Variants in HTRA2 observed in about 807,000 individuals in gnomAD.
HTRA2 encodes the protein HtrA serine peptidase 2.
In HTRA2, 24 loss-of-function variants were observed where a neutral mutation model predicts 42.2. The observed-to-expected ratio is 0.57, with a 90% CI of 0.41 to 0.80. HTRA2 has a LOEUF of 0.80. HTRA2 is among the 30% of genes least tolerant of loss of function. The pLI is 0.00. For synonymous variants in HTRA2, 245 were observed against 255.8 expected (o/e 0.96, Z 0.40); for missense variants, 466 against 613.5 (o/e 0.76, Z 2.54).
In HTRA2 at chr2:74,530,445, T is replaced by G; in HGVS notation, c.439T>G (p.Tyr147Asp). Residue 147 changes from tyrosine (Y) to aspartate (D), a missense_variant, in exon 1 of 8, where the codon TAC becomes GAC. Tyr to Asp is a radical substitution (Grantham distance 160). Coordinates refer to ENST00000258080, the MANE Select transcript of HTRA2 (RefSeq NM_013247.5). The surrounding 1 kb of genome is among the most constrained non-coding windows in gnomAD (Gnocchi z 7.4). Reference sequence around the variant, plus strand: ...GCCGCCCGCTTCTCCCCGGAGTCAGTACAACTTCATCGCAGATGTGGTGGA... The same window carrying G: ...GCCGCCCGCTTCTCCCCGGAGTCAGGACAACTTCATCGCAGATGTGGTGGA... Reference protein sequence around the residue: ...SPPPASPRSQYNFIADVVEKT... With the variant: ...SPPPASPRSQDNFIADVVEKT... 1.2e-6 allele frequency: 2 copies of G among 1,605,984 alleles called. No homozygotes were observed. The highest frequency in any genetic ancestry group is 1.7e-6 in the Non-Finnish European group (2 of 1,179,826).
chr2:74,529,819 T>A (rs756545994), upstream of HTRA2: 11 of 1,428,134 alleles, frequency 7.7e-6, no homozygotes, highest in Non-Finnish European at 1.0e-5. Context: ...ACAACTCGCG[T>A]CCGGCGGAGA....
chr2:74,531,145 G>C (rs1247127269), intron 3 of HTRA2, 40 bp downstream of exon 3: 1 of 1,599,680 alleles, frequency 6.3e-7, no homozygotes, highest in Admixed American at 1.7e-5. Flanking sequence ...TGATGGGGGA[G>C]GGGGGAGAGG....
At chr2:74,533,410 C>T (rs1011907378), downstream of HTRA2, 7 of 587,348 alleles carry the variant, frequency 1.2e-5, no homozygotes, top group Non-Finnish European at 2.1e-5. Flanking sequence ...AGCAAAGATT[C>T]CCATGCTTGG....
rs1470210087 is a variant in HTRA2, at chr2:74,531,673, G to A, written c.1016G>A (p.Arg339Gln). ...TTTGCCATCCCTTCTGATCGTCTTCGAGAGTTTCTGCATCGTGGGGAAAAG... is the reference window on the plus strand; with the variant it reads ...TTTGCCATCCCTTCTGATCGTCTTCAAGAGTTTCTGCATCGTGGGGAAAAG... Reference protein sequence around the residue: ...ISFAIPSDRLREFLHRGEKKN... With the variant: ...ISFAIPSDRLQEFLHRGEKKN... Residue 339 changes from arginine (R) to glutamine (Q), a missense_variant, in exon 5 of 8, where the codon CGA (arginine) becomes CAA (glutamine). Transcript: ENST00000258080. 5 of 1,614,000 alleles carry A rather than the reference G, an allele frequency of 3.1e-6. No individual in the cohort carries two copies. Among genetic ancestry groups the A allele is most frequent in the East Asian group, 4.5e-5 (2 of 44,898 alleles).
chr2:74,529,621 A>C, upstream of HTRA2: 1 of 1,568,078 alleles, frequency 6.4e-7, no homozygotes, highest in South Asian at 1.2e-5. Flanking sequence ...GCCCTGAGGG[A>C]AGCTCCATAA....
In HTRA2 at chr2:74,532,991, T is replaced by G. The variant is rs1675734432; in HGVS notation, c.*6T>G. On this transcript the variant is annotated 3_prime_UTR_variant, in exon 8 of 8. Coordinates refer to ENST00000258080, the MANE Select transcript of HTRA2 (RefSeq NM_013247.5). Reference sequence around the variant, plus strand: ...CCCCTGAGGTCACAGAATGAATAGATCACCAAGAGTATGAGGCTCCTGCTC... The same window carrying G: ...CCCCTGAGGTCACAGAATGAATAGAGCACCAAGAGTATGAGGCTCCTGCTC... 3 of 1,613,244 alleles carry G rather than the reference T, an allele frequency of 1.9e-6. No homozygotes were observed. The highest frequency in any genetic ancestry group is 2.5e-6 in the Non-Finnish European group (3 of 1,179,582).
chr2:74,529,495 G>A (rs551674975), upstream of HTRA2: 18 of 1,552,626 alleles, frequency 1.2e-5, no homozygotes, highest in South Asian at 3.5e-5. Context: ...CAGTCACCCG[G>A]AAGCCTGGGG....
rs764609801 is a variant in HTRA2, at chr2:74,529,967, T to G, written c.-40T>G. 5.3e-6 allele frequency: 8 copies of G among 1,505,006 alleles called. No homozygotes were observed. The highest frequency in any genetic ancestry group is 7.1e-6 in the Non-Finnish European group (8 of 1,130,204). 93.2% of individuals were successfully genotyped at this position (1,505,006 alleles called of 1,614,324 possible). A position where few individuals can be genotyped will look rare whatever the true frequency, so the allele number is the denominator to read the frequency against. On this transcript the variant is annotated 5_prime_UTR_variant, in exon 1 of 8. Coordinates refer to ENST00000258080, the MANE Select transcript of HTRA2 (RefSeq NM_013247.5). ...GCCTGCTCGCGTCCTGGGTGCCGCCTCTGAGTAGGGCGGGCGAGGAGGCAG... is the reference window on the plus strand; with the variant it reads ...GCCTGCTCGCGTCCTGGGTGCCGCCGCTGAGTAGGGCGGGCGAGGAGGCAG...
At chr2:74,532,539 G>A (rs2104379559) in intron 6 of HTRA2, 80 bp from the exon 7 acceptor site, 1 of 1,053,142 alleles carries the variant, frequency 9.5e-7, no homozygotes, top group Non-Finnish European at 1.5e-6. Context: ...TTATCAATGT[G>A]TTGATGAGAG....
chr2:74,532,472 CAG>C (rs1263698060), intron 6 of HTRA2, 145 bp from the exon 7 acceptor site: 2 of 704,364 alleles, frequency 2.8e-6, no homozygotes, highest in Non-Finnish European at 5.1e-6. Context: ...TGCTAGAAGA[CAG>C]AAAGTGAGTT....
At chr2:74,533,486 T>C (rs1230044086), downstream of HTRA2, 3 of 797,416 alleles carry the variant, frequency 3.8e-6, no homozygotes, top group African/African-American at 1.7e-5. Flanking sequence ...TCCACATCCA[T>C]AGTGCATGGT....
chr2:74,530,234 C>T lies in HTRA2; in HGVS notation c.228C>T (p.Thr76=), dbSNP rs927941187. Residue 76 remains threonine (T), a synonymous_variant, in exon 1 of 8, where the codon ACC becomes ACT. Transcript: ENST00000258080. This position sits in a 1 kb window ranked among gnomAD's most constrained non-coding sequence, Gnocchi z 7.4. ...CCCGAGCATGCCTGACGTCTGGGAC[C>T]CCGGGTCCCCGGGCACAACTGACTG... ...TEPRACLTSG[T]PGPRAQLTAV... The T allele has an allele frequency of 2.5e-6, 4 of 1,609,334 alleles. No individual in the cohort carries two copies. Among genetic ancestry groups the T allele is most frequent in the South Asian group, 1.1e-5 (1 of 90,554 alleles).
chr2:74,532,853 C>T lies in HTRA2; in HGVS notation c.1245C>T (p.Ala415=). ...AGLRPGDVIL[A]IGEQMVQNAE... ...TGCGGCCTGGTGATGTGATTTTGGC[C>T]ATTGGGGAGCAGATGGTACAAAATG... is the stretch of plus-strand genomic sequence containing the variant. The change falls in exon 8 of 8, where the codon GCC becomes GCT. Residue 415 remains alanine, a synonymous_variant. Coordinates refer to ENST00000258080, the MANE Select transcript of HTRA2 (RefSeq NM_013247.5). The T allele has an allele frequency of 3.1e-6, 5 of 1,614,032 alleles. No individual in the cohort carries two copies. Among genetic ancestry groups the T allele is most frequent in the Non-Finnish European group, 4.2e-6 (5 of 1,180,018 alleles).
In HTRA2 at chr2:74,532,803, T is replaced by C. The variant is rs199796288; in HGVS notation, c.1212-17T>C. 38 of 1,614,154 alleles carry C rather than the reference T, an allele frequency of 2.4e-5. No individual in the cohort carries two copies. The African/African-American group carries it at 4.3e-4, about 18-fold the overall frequency. ...CTTTGTACTCCTTCCTTTCTCTCTG[T>C]CCATTTTTCTCTATAGGGCTGGTCT... is the stretch of plus-strand genomic sequence containing the variant. On this transcript the variant is annotated splice_polypyrimidine_tract_variant and intron_variant, in intron 7 of 7. Transcript: ENST00000258080.
Position 74,532,891 on chromosome 2 carries a change from A to T in HTRA2, c.1283A>T (p.Tyr428Phe). 1 of 1,614,108 alleles carries T rather than the reference A, an allele frequency of 6.2e-7. No homozygotes were observed. The highest frequency in any genetic ancestry group is 8.5e-7 in the Non-Finnish European group (1 of 1,180,018). The change falls in exon 8 of 8, where the codon TAT (tyrosine) becomes TTT (phenylalanine). Residue 428 changes from tyrosine (Y) to phenylalanine (F), a missense_variant. Tyr to Phe is a conservative substitution (Grantham distance 22). Around this residue, in one of 3 missense-constraint regions of HTRA2, gnomAD observed 129 missense variants for 163.1 expected, o/e 0.79. Transcript: ENST00000258080. Reference protein sequence around the residue: ...EQMVQNAEDVYEAVRTQSQLA... With the variant: ...EQMVQNAEDVFEAVRTQSQLA... ...ATGGTACAAAATGCTGAAGATGTTT[A>T]TGAAGCTGTTCGAACCCAATCCCAG...
At position 74,530,873 on chromosome 2, in the gene HTRA2, C is replaced by T. The variant is rs760267720; in HGVS notation, c.712-38C>T. ...GTTGGAGCTGCTTATTTGCTCGCAT[C>T]TTCAGATGACAGGTCTCTTTTACCC... On this transcript the variant is annotated intron_variant, in intron 2 of 7. Coordinates refer to ENST00000258080, the MANE Select transcript of HTRA2 (RefSeq NM_013247.5). This position sits in a 1 kb window ranked among gnomAD's most constrained non-coding sequence, Gnocchi z 7.4. The T allele has an allele frequency of 6.2e-7, 1 of 1,614,172 alleles. No individual in the cohort carries two copies. The highest frequency in any genetic ancestry group is 8.5e-7 in the Non-Finnish European group (1 of 1,180,036).
At chr2:74,529,759 C>T (rs142590278), upstream of HTRA2, 154 of 1,491,316 alleles carry the variant, frequency 1.0e-4, no homozygotes, top group African/African-American at 2.0e-3. Flanking sequence ...CTGAGGCGCG[C>T]CGGAAGGGCT....
At chr2:74,531,318 T>A (rs774913561) in intron 3 of HTRA2, 21 bp from the exon 4 acceptor site, 1 of 1,613,560 alleles carries the variant, frequency 6.2e-7, no homozygotes, top group South Asian at 1.1e-5. Flanking sequence ...ATCTCTTTCA[T>A]GTTTTCTCCT....
intron 3 of HTRA2, 106 bp from the exon 4 acceptor site, chr2:74,531,233 T>C (rs1675573302): frequency 3.2e-6 from 5 of 1,551,696 alleles, no homozygotes; most frequent in Non-Finnish European, 3.6e-6. Context: ...TGGCCACTTA[T>C]TCATGGGCTG....
Sources: allele counts gnomAD v4.1 joint callset, GRCh38; gene constraint gnomAD v4.1.1; regional missense constraint gnomAD v4.1.1; non-coding constraint Gnocchi (gnomAD v3.1); transcripts MANE v1.5; gene names NCBI Gene and HGNC (gene_info 2026-07-23, HGNC 2026-07-21).